Variants in BTBD2 observed in about 807,000 individuals in gnomAD.
BTBD2 encodes BTB domain containing 2, also known as BTB/POZ domain-containing protein 2.
BTBD2 carries 15 observed loss-of-function variants against 44.0 expected under a neutral mutation model. The ratio of observed to expected loss-of-function variants is 0.34; its 90% CI spans 0.23 to 0.53. The LOEUF is 0.53. Ranked by LOEUF, BTBD2 falls within the 20% of genes least tolerant of loss-of-function variation. The pLI is 0.95. For missense variants in BTBD2, 657 were observed against 746.4 expected (o/e 0.88, Z 1.39); for synonymous variants, 443 against 335.9 (o/e 1.32, Z -3.49).
At chr19:1,992,271 T>C (rs776024896) in intron 3 of BTBD2, among the ~76,000 whole-genome samples, 2 of 151,186 alleles carry the variant, frequency 1.3e-5, no homozygotes, top group Non-Finnish European at 3.0e-5. Flanking sequence ...TTATGAAATA[T>C]TTTTTTTTAG....
chr19:2,001,499 A>G (rs1179429130), intron 1 of BTBD2, among the ~76,000 whole-genome samples: 6 of 152,170 alleles, frequency 3.9e-5, no homozygotes, highest in Non-Finnish European at 8.8e-5. Flanking sequence ...TCTCAAAAAG[A>G]AAAGAAAACA....
In BTBD2 at chr19:2,015,367, T is replaced by C. The variant is rs1197193146; in HGVS notation, c.337A>G (p.Asn113Asp). The C allele has an allele frequency of 1.3e-6, 2 of 1,584,890 alleles. No individual in the cohort carries two copies. The highest frequency in any genetic ancestry group is 1.7e-6 in the Non-Finnish European group (2 of 1,172,966). ...AAGTGCACGTCGCACAGCACCTCGT[T>C]GTTGAAGAGGAAGGCGAAGCGCTCC... ...VQERFAFLFN[N>D]EVLCDVHFLV... Residue 113 changes from asparagine (N) to aspartate (D), a missense_variant, in exon 1 of 9, where the codon AAC (asparagine) becomes GAC (aspartate). Asn to Asp is a conservative substitution (Grantham distance 23). Coordinates refer to ENST00000255608, the MANE Select transcript of BTBD2 (RefSeq NM_017797.4).
intron 3 of BTBD2, among the ~76,000 whole-genome samples, chr19:1,991,676 T>A (rs1031683581): frequency 6.6e-6 from 1 of 152,094 alleles, no homozygotes; most frequent in African/African-American, 2.4e-5. Context: ...CCAAAGCCCA[T>A]TGGAGGACCC....
intron 2 of BTBD2, 64 bp downstream of exon 2, chr19:1,997,280 T>C (rs968069025): frequency 9.3e-6 from 15 of 1,607,238 alleles, no homozygotes; most frequent in Non-Finnish European, 1.3e-5. Context: ...AGACAGGGTC[T>C]ACGTTCTCTG....
At chr19:2,010,451 G>A (rs1192380111) in intron 1 of BTBD2, among the ~76,000 whole-genome samples, 2 of 152,054 alleles carry the variant, frequency 1.3e-5, no homozygotes, top group South Asian at 4.1e-4. Flanking sequence ...CCAGACACTG[G>A]GGCCACCACC....
intron 2 of BTBD2, 97 bp from the exon 3 acceptor site, chr19:1,993,273 C>A: frequency 2.8e-6 from 4 of 1,438,480 alleles, no homozygotes; most frequent in South Asian, 1.4e-5. Flanking sequence ...ACTCGGCCAC[C>A]GGCCCTTGAG....
intron 2 of BTBD2, among the ~76,000 whole-genome samples, chr19:1,996,162 C>T (rs1202454563): frequency 6.6e-6 from 1 of 152,180 alleles, no homozygotes; most frequent in Non-Finnish European, 1.5e-5. Context: ...CATTGGTCCC[C>T]ACGTTCTGTC....
At chr19:1,994,717 C>T (rs1370323451) in intron 2 of BTBD2, among the ~76,000 whole-genome samples, 1 of 152,018 alleles carries the variant, frequency 6.6e-6, no homozygotes, top group African/African-American at 2.4e-5. Context: ...CAGGATCGTG[C>T]CACTGCACTC....
At chr19:1,999,235 GGCCCCGACCACAGCTTCCACATCC>G (rs1309636811) in intron 1 of BTBD2, among the ~76,000 whole-genome samples, 3 of 152,184 alleles carry the variant, frequency 2.0e-5, no homozygotes, top group Non-Finnish European at 4.4e-5. Context: ...CTTCCACATG[GGCCCCGACCACAGCTTCCACATCC>G]GCCCCGAACC....
intron 1 of BTBD2, among the ~76,000 whole-genome samples, chr19:2,007,684 G>C (rs1405821869): frequency 6.6e-6 from 1 of 152,076 alleles, no homozygotes; most frequent in Admixed American, 6.6e-5. Flanking sequence ...AAATTAGCCG[G>C]GTGTGGTGGT....
rs747440617 is a variant in BTBD2 at position 1,997,470 on chromosome 19, C to A, written c.408-7G>T. The A allele has an allele frequency of 6.2e-6, 10 of 1,613,876 alleles. No individual in the cohort carries two copies. Among genetic ancestry groups the A allele is most frequent in the Non-Finnish European group, 8.5e-6 (10 of 1,179,958 alleles). ...GCCCACGGCCAGCACGAACCTGGTA[C>A]GGGAGAGAGAAGGCCCTGGTTAAGC... On this transcript the variant is annotated splice_polypyrimidine_tract_variant and splice_region_variant and intron_variant, in intron 1 of 8. Coordinates refer to ENST00000255608, the MANE Select transcript of BTBD2 (RefSeq NM_017797.4).
intron 1 of BTBD2, among the ~76,000 whole-genome samples, chr19:2,010,486 T>C (rs1568223634): frequency 6.6e-6 from 1 of 152,054 alleles, no homozygotes; most frequent in Non-Finnish European, 1.5e-5. Context: ...GCCTCCTCTC[T>C]GCCATGTCTC....
rs2016151840 is a variant in BTBD2 at position 1,990,077 on chromosome 19, G to C, written c.915C>G (p.Asn305Lys). 6.2e-7 allele frequency: 1 copy of C among 1,613,294 alleles called. No homozygotes were observed. The highest frequency in any genetic ancestry group is 8.5e-7 in the Non-Finnish European group (1 of 1,180,038). ...GGGCCTTGCCCAGAACCTTCCGCCT[G>C]TTCTCTGGCGTCACCTGCAGCTGCT... is the stretch of plus-strand genomic sequence containing the variant. ...QRQQLQVTPE[N>K]RRKVLGKALG... Residue 305 changes from asparagine to lysine, a missense_variant, in exon 5 of 9, where the codon AAC becomes AAG. Physicochemically the swap from Asn to Lys is moderately conservative, Grantham distance 94. Coordinates refer to ENST00000255608, the MANE Select transcript of BTBD2 (RefSeq NM_017797.4).
intron 1 of BTBD2, among the ~76,000 whole-genome samples, chr19:2,001,475 A>T (rs1389719506): frequency 1.3e-5 from 2 of 152,178 alleles, no homozygotes. Flanking sequence ...CTGGGCTACA[A>T]GCCTGAGACT....
Position 1,997,351 on chromosome 19 carries a change from G to A in BTBD2, c.520C>T (p.Leu174=), listed in dbSNP as rs764500555. ...PDVEPAAFLA[L]LKFLYSDEVQ... ...AGCATCCGGAAGCATTACTTGAGCA[G>A]TGCGAGGAAGGCAGCGGGTTCCACG... is the stretch of plus-strand genomic sequence containing the variant. Residue 174 remains leucine, a synonymous_variant, in exon 2 of 9, where the codon CTG becomes TTG. Coordinates refer to ENST00000255608, the MANE Select transcript of BTBD2 (RefSeq NM_017797.4). 1 of 1,614,168 alleles carries A rather than the reference G, an allele frequency of 6.2e-7. No individual in the cohort carries two copies. Among genetic ancestry groups the A allele is most frequent in the South Asian group, 1.1e-5 (1 of 91,084 alleles).
intron 3 of BTBD2, chr19:1,991,079 C>T (rs923665518): frequency 7.1e-6 from 3 of 425,080 alleles, no homozygotes. Flanking sequence ...GAAAAAGATG[C>T]TCAGGTCCCT....
chr19:2,007,854 T>C lies in BTBD2; in HGVS notation c.407+7443A>G, dbSNP rs745423852. ...AAAAATAATAAAACAAAACACAGAA[T>C]ATAAGTTCCATAAGGAAGGAGATGT... On this transcript the variant is annotated intron_variant, in intron 1 of 8. Coordinates refer to ENST00000255608, the MANE Select transcript of BTBD2 (RefSeq NM_017797.4). Among the ~76,000 whole-genome samples the C allele has an allele frequency of 6.0e-4, 89 of 149,132 alleles. 1 individual carries two copies. The highest frequency in any genetic ancestry group is 6.8e-3 in the Middle Eastern group (2 of 294).
intron 3 of BTBD2, 63 bp from the exon 4 acceptor site, chr19:1,990,885 C>G: frequency 7.0e-7 from 1 of 1,424,094 alleles, no homozygotes; most frequent in South Asian, 1.2e-5. Context: ...CGGCAGATCC[C>G]CAGTGCGGGG....
chr19:2,015,239 G>C (rs1048180929), intron 1 of BTBD2, 58 bp downstream of exon 1: 1 of 1,489,210 alleles, frequency 6.7e-7, no homozygotes, highest in African/African-American at 1.4e-5. Flanking sequence ...TCAGGTGCAG[G>C]GCCCGGGCAG....
Sources: allele counts gnomAD v4.1 joint callset (sites outside exome capture counted in the v4.1 genomes callset), GRCh38; gene constraint gnomAD v4.1.1; transcripts MANE v1.5; gene names NCBI Gene and HGNC (gene_info 2026-07-23, HGNC 2026-07-21).